The following COL25A1 variants were observed in gnomAD, a reference collection of about 807,000 sequenced individuals.
COL25A1 encodes collagen type XXV alpha 1 chain.
COL25A1 carries 103 observed loss-of-function variants against 128.4 expected under a neutral mutation model. The ratio of observed to expected loss-of-function variants is 0.80; its 90% CI spans 0.68 to 0.94. The LOEUF is 0.94. Among genes scored for constraint, COL25A1 ranks in the 40% least tolerant of loss-of-function variants. COL25A1 has a pLI of 0.00. For missense variants in COL25A1, 745 were observed against 840.0 expected (o/e 0.89, Z 1.40); for synonymous variants, 279 against 277.2 (o/e 1.01, Z -0.06).
At chr4:109,124,336 T>A (rs1768387538) in intron 3 of COL25A1, among the ~76,000 whole-genome samples, 1 of 152,076 alleles carries the variant, frequency 6.6e-6, no homozygotes, top group Admixed American at 6.6e-5. Context: ...TGCAATTATG[T>A]GGGCAAATTA....
intron 8 of COL25A1, among the ~76,000 whole-genome samples, chr4:108,960,706 G>T (rs541745189): frequency 1.3e-5 from 2 of 152,236 alleles, no homozygotes; most frequent in Non-Finnish European, 2.9e-5. Context: ...AGAAAGAAAA[G>T]ATATATCTAA....
chr4:109,156,854 T>C (rs1032195357), intron 3 of COL25A1, among the ~76,000 whole-genome samples: 3 of 152,256 alleles, frequency 2.0e-5, no homozygotes, highest in Non-Finnish European at 4.4e-5. Flanking sequence ...TCTCTGTGTA[T>C]AGGTACTGTA....
chr4:109,125,351 T>C (rs940929773), intron 3 of COL25A1, among the ~76,000 whole-genome samples: 3 of 152,102 alleles, frequency 2.0e-5, no homozygotes, highest in African/African-American at 7.2e-5. Context: ...CAAATAGCCT[T>C]CTCAGGAAGT....
chr4:108,823,399 G>A (rs1174563474), intron 35 of COL25A1, among the ~76,000 whole-genome samples: 1 of 151,918 alleles, frequency 6.6e-6, no homozygotes, highest in African/African-American at 2.4e-5. Context: ...GAAGGATGGA[G>A]GGAGGGAGGG....
intron 3 of COL25A1, among the ~76,000 whole-genome samples, chr4:109,212,848 C>A (rs553307173): frequency 2.0e-5 from 3 of 152,048 alleles, no homozygotes; most frequent in Non-Finnish European, 4.4e-5. Flanking sequence ...ATTTCAGTAA[C>A]AGGAATGAAG....
In COL25A1 at chr4:108,885,553, A is replaced by G. The variant is rs1236531392; in HGVS notation, c.976-1331T>C. On this transcript the variant is annotated intron_variant, in intron 18 of 37. Coordinates refer to ENST00000399132, the MANE Select transcript of COL25A1 (RefSeq NM_198721.4). ...TGTTATTCCATTCAAAGAATGTCCA[A>G]GTAGATTAAATTTCACACAGATATA... is the stretch of plus-strand genomic sequence containing the variant. Among the ~76,000 whole-genome samples, 3 of 152,222 alleles carry G rather than the reference A, an allele frequency of 2.0e-5. No homozygotes were observed. In the East Asian group the frequency reaches 5.8e-4, roughly 29 times the overall value.
At chr4:109,228,311 C>T (rs1388171548) in intron 3 of COL25A1, among the ~76,000 whole-genome samples, 1 of 152,138 alleles carries the variant, frequency 6.6e-6, no homozygotes, top group Non-Finnish European at 1.5e-5. Flanking sequence ...ATTAAGTCCA[C>T]AAGTCTGCCC....
intron 13 of COL25A1, among the ~76,000 whole-genome samples, chr4:108,910,069 T>G (rs990309187): frequency 6.6e-6 from 1 of 152,166 alleles, no homozygotes; most frequent in African/African-American, 2.4e-5. Flanking sequence ...ATACCTTTAT[T>G]TTTTCACCTG....
chr4:108,867,826 A>C (rs553554501), intron 20 of COL25A1, among the ~76,000 whole-genome samples: 1 of 152,092 alleles, frequency 6.6e-6, no homozygotes, highest in East Asian at 1.9e-4. Context: ...TGTACTTTTT[A>C]TGTCTTTCAG....
intron 34 of COL25A1, 36 bp from the exon 35 acceptor site, chr4:108,824,263 G>T: frequency 1.4e-6 from 2 of 1,431,578 alleles, no homozygotes; most frequent in African/African-American, 1.4e-5. Flanking sequence ...AGATCTATTG[G>T]TGTAATAGTG....
chr4:109,202,731 G>A (rs968818192), intron 3 of COL25A1, among the ~76,000 whole-genome samples: 22 of 152,170 alleles, frequency 1.4e-4, no homozygotes, highest in African/African-American at 4.1e-4. Context: ...ATTATCTATC[G>A]ATCAATTGAT....
At chr4:109,066,238 T>A (rs886648421) in intron 3 of COL25A1, among the ~76,000 whole-genome samples, 1 of 152,164 alleles carries the variant, frequency 6.6e-6, no homozygotes, top group Non-Finnish European at 1.5e-5. Context: ...TTGGTCAGTT[T>A]TAGAAGCACC....
At chr4:109,130,817 T>C (rs948487537) in intron 3 of COL25A1, among the ~76,000 whole-genome samples, 2 of 152,230 alleles carry the variant, frequency 1.3e-5, no homozygotes, top group African/African-American at 2.4e-5. Flanking sequence ...TTTGATCATG[T>C]AACCCTTTCA....
At chr4:109,034,213 A>T (rs1241226669) in intron 5 of COL25A1, among the ~76,000 whole-genome samples, 2 of 152,220 alleles carry the variant, frequency 1.3e-5, no homozygotes, top group African/African-American at 4.8e-5. Flanking sequence ...CAGAATGCAC[A>T]TTCTCATTGA....
chr4:109,009,776 C>T (rs1187238507), intron 6 of COL25A1, among the ~76,000 whole-genome samples: 3 of 152,090 alleles, frequency 2.0e-5, no homozygotes, highest in Non-Finnish European at 2.9e-5. Context: ...TGAAAACTCA[C>T]GTATTTTTTT....
chr4:109,006,378 ATTTTTTTTTTTTTTTTTTTTTT>A (rs56845799), intron 6 of COL25A1, among the ~76,000 whole-genome samples: 3 of 51,840 alleles, frequency 5.8e-5, no homozygotes. Flanking sequence ...CACCCAGCTA[ATTTTTTTTTTTTTTTTTTTTTT>A]TTTTTTTTTT....
intron 8 of COL25A1, among the ~76,000 whole-genome samples, chr4:108,957,218 G>A (rs939422701): frequency 3.9e-5 from 6 of 152,078 alleles, no homozygotes; most frequent in African/African-American, 9.7e-5. Flanking sequence ...GAACCAGGAC[G>A]GTAAGAGGGG....
chr4:109,153,456 G>A (rs1365137012), intron 3 of COL25A1, among the ~76,000 whole-genome samples: 1 of 151,492 alleles, frequency 6.6e-6, no homozygotes, highest in Non-Finnish European at 1.5e-5. Context: ...AAGAGTAACA[G>A]CACTTGCACA....
chr4:108,878,567 C>G (rs12510037), intron 19 of COL25A1, among the ~76,000 whole-genome samples: 2 of 151,860 alleles, frequency 1.3e-5, no homozygotes, highest in African/African-American at 4.8e-5. Flanking sequence ...ATGATTGATA[C>G]GTAAAATTAT....
Sources: gnomAD v4.1 joint callset for allele counts (sites outside exome capture counted in the v4.1 genomes callset) on GRCh38, gnomAD v4.1.1 for gene constraint, MANE v1.5 for transcripts, NCBI Gene and HGNC (gene_info 2026-07-23, HGNC 2026-07-21) for gene names.